Variants in PUS7 observed in about 807,000 individuals in gnomAD.
The protein encoded by PUS7 is pseudouridine synthase 7.
A neutral mutation model predicts 79.8 loss-of-function variants in PUS7; 48 were observed. The observed-to-expected ratio is 0.60, with a 90% confidence interval of 0.48 to 0.76. PUS7 has a LOEUF of 0.76. Ranked by LOEUF, PUS7 falls within the 30% of genes least tolerant of loss-of-function variation. The pLI is 0.00. For synonymous variants in PUS7, 286 were observed against 272.2 expected (o/e 1.05, Z -0.50); for missense variants, 729 against 797.6 (o/e 0.91, Z 1.04).
Position 105,484,548 on chromosome 7 carries a change from G to A in PUS7, c.921-2108C>T, listed in dbSNP as rs184750402. On this transcript the variant is annotated intron_variant, in intron 7 of 15. Coordinates refer to ENST00000469408, the MANE Select transcript of PUS7 (RefSeq NM_019042.5). Reference sequence around the variant, plus strand: ...AAAAATAGCTCTGGGACCGGGCGCGGTGCTTCATGCCTGTAATCCCAGCAC... The same window carrying A: ...AAAAATAGCTCTGGGACCGGGCGCGATGCTTCATGCCTGTAATCCCAGCAC... 4.5e-3 allele frequency among the ~76,000 whole-genome samples: 675 copies of A among 151,514 alleles called. 3 individuals are homozygous for A. Among genetic ancestry groups the A allele is most frequent in the Middle Eastern group, 6.8e-3 (2 of 292 alleles).
chr7:105,509,184 CAAAAAAAA>C (rs57095427), intron 1 of PUS7, among the ~76,000 whole-genome samples: 13 of 55,710 alleles, frequency 2.3e-4, no homozygotes, highest in South Asian at 1.1e-3. Context: ...GACTCCATCT[CAAAAAAAA>C]AAAAAAAAAA....
intron 1 of PUS7, among the ~76,000 whole-genome samples, chr7:105,512,060 G>A (rs974653249): frequency 1.4e-5 from 2 of 141,402 alleles, no homozygotes; most frequent in African/African-American, 2.6e-5. Flanking sequence ...TAGGAGAATC[G>A]CTTGAACCTG....
At chr7:105,477,013 C>T (rs1824140414) in intron 9 of PUS7, among the ~76,000 whole-genome samples, 1 of 152,076 alleles carries the variant, frequency 6.6e-6, no homozygotes, top group African/African-American at 2.4e-5. Flanking sequence ...ATATTTTCTC[C>T]TATTCTGTGG....
At chr7:105,504,489 AAGG>A (rs1213289467) in intron 4 of PUS7, among the ~76,000 whole-genome samples, 1 of 152,230 alleles carries the variant, frequency 6.6e-6, no homozygotes, top group African/African-American at 2.4e-5. Context: ...TACTGATAGC[AAGG>A]AGAACGACAG....
chr7:105,459,108 T>C lies in PUS7; in HGVS notation c.1849+60A>G, dbSNP rs1035828532. The C allele has an allele frequency of 2.7e-6, 3 of 1,124,706 alleles. No individual in the cohort carries two copies. In the Admixed American group the frequency reaches 7.1e-5, roughly 26 times the overall value. The allele number at this position is 1,124,706 out of a possible 1,614,324, so 69.7% of individuals were successfully genotyped here. On this transcript the variant is annotated intron_variant, in intron 15 of 15. Coordinates refer to ENST00000469408, the MANE Select transcript of PUS7 (RefSeq NM_019042.5). ...AAGAGCAGTTTTCAAAAAAAAATTA[T>C]GTTTTTGTTTAACAAAACATTTCAA...
At chr7:105,502,384 C>T (rs753287969) in intron 5 of PUS7, 36 bp downstream of exon 5, 66 of 1,612,602 alleles carry the variant, frequency 4.1e-5, no homozygotes, top group Non-Finnish European at 5.6e-5. Flanking sequence ...CCGCTCACGG[C>T]TGCCTGGCAG....
intron 1 of PUS7, among the ~76,000 whole-genome samples, chr7:105,521,228 G>A (rs1178829386): frequency 6.8e-6 from 1 of 147,200 alleles, no homozygotes; most frequent in African/African-American, 2.4e-5. Flanking sequence ...TTAGAGGCTT[G>A]GGGATGGGGG....
chr7:105,457,925 T>A lies in PUS7; in HGVS notation c.1851A>T (p.Glu617Asp). 1 of 1,612,892 alleles carries A rather than the reference T, an allele frequency of 6.2e-7. No individual in the cohort carries two copies. The highest frequency in any genetic ancestry group is 8.5e-7 in the Non-Finnish European group (1 of 1,179,516). ...CCATTTTCAGAGCCCTGTATTTGCC[T>A]TCTGCAAGGCAAGAAAGAAAACAGT... Reference protein sequence around the residue: ...EGKTPPVFASEGKYRALKMDF... With the variant: ...EGKTPPVFASDGKYRALKMDF... The change falls in exon 16 of 16, where the codon GAA becomes GAT. Residue 617 changes from glutamate to aspartate, a missense_variant and splice_region_variant. Glu to Asp is a conservative substitution (Grantham distance 45). Transcript: ENST00000469408.
chr7:105,511,863 C>T (rs1039400769), intron 1 of PUS7, among the ~76,000 whole-genome samples: 2 of 151,678 alleles, frequency 1.3e-5, no homozygotes, highest in African/African-American at 2.4e-5. Flanking sequence ...CAATTTCTGG[C>T]GGCCTGGTGC....
chr7:105,496,222 TATATAGAG>T (rs1166671684), intron 5 of PUS7, among the ~76,000 whole-genome samples: 3 of 85,032 alleles, frequency 3.5e-5, no homozygotes, highest in African/African-American at 9.3e-5. Context: ...TATATATATA[TATATAGAG>T]AGAGAGAGAG....
Position 105,508,326 on chromosome 7 carries a change from C to G in PUS7, c.187G>C (p.Asp63His), listed in dbSNP as rs748362304. ...CCACCTTTCCCAGTACTGACAGTGT[C>G]AGGAGGCCGAGGCACGTCTTCACTG... The part of the protein sequence containing the change: ...SISEDVPRPP[D>H]TVSTGKGGKN... Residue 63 changes from aspartate to histidine, a missense_variant, in exon 2 of 16, where the codon GAC becomes CAC. Asp to His is a moderately conservative substitution (Grantham distance 81, BLOSUM62 -1). Coordinates refer to ENST00000469408, the MANE Select transcript of PUS7 (RefSeq NM_019042.5). 1.9e-6 allele frequency: 3 copies of G among 1,614,164 alleles called. No homozygotes were observed. Among genetic ancestry groups the G allele is most frequent in the Non-Finnish European group, 2.5e-6 (3 of 1,180,040 alleles).
intron 4 of PUS7, among the ~76,000 whole-genome samples, chr7:105,505,003 A>ATTTTTTTTTT (rs112752687): frequency 1.8e-4 from 25 of 142,634 alleles, no homozygotes; most frequent in South Asian, 9.1e-4. Context: ...ATTTAACATA[A>ATTTTTTTTTT]TTTTTTTTTT....
intron 9 of PUS7, among the ~76,000 whole-genome samples, chr7:105,475,986 TCCAATGCTTAC>T (rs1824092104): frequency 6.6e-6 from 1 of 152,116 alleles, no homozygotes; most frequent in South Asian, 2.1e-4. Context: ...ACATAAAGTT[TCCAATGCTTAC>T]CCACGTGATA....
At chr7:105,494,537 G>A (rs1036357283) in intron 6 of PUS7, among the ~76,000 whole-genome samples, 1 of 151,162 alleles carries the variant, frequency 6.6e-6, no homozygotes, top group Non-Finnish European at 1.5e-5. Flanking sequence ...AGCCTCCTGA[G>A]CAGCTAACAC....
intron 5 of PUS7, among the ~76,000 whole-genome samples, chr7:105,496,645 C>T (rs555982486): frequency 6.6e-6 from 1 of 152,196 alleles, no homozygotes; most frequent in Non-Finnish European, 1.5e-5. Context: ...TGATAAGTTA[C>T]AATGAAAAGA....
intron 15 of PUS7, 62 bp downstream of exon 15, chr7:105,459,106 T>C (rs1823310567): frequency 3.6e-6 from 4 of 1,108,752 alleles, no homozygotes; most frequent in Non-Finnish European, 5.2e-6. Flanking sequence ...AAAAAAAAAT[T>C]ATGTTTTTGT....
At chr7:105,501,073 T>G (rs1385774534) in intron 5 of PUS7, among the ~76,000 whole-genome samples, 1 of 152,190 alleles carries the variant, frequency 6.6e-6, no homozygotes, top group Non-Finnish European at 1.5e-5. Context: ...CTTGCTGCCT[T>G]GACTAGATTA....
At position 105,508,341 on chromosome 7, in the gene PUS7, C is replaced by T. The variant is rs773283092; in HGVS notation, c.172G>A (p.Val58Met). Residue 58 changes from valine to methionine, a missense_variant, in exon 2 of 16, where the codon GTG (valine) becomes ATG (methionine). By Grantham distance (21) the Val-to-Met change is conservative. Transcript: ENST00000469408. ...CTGACAGTGTCAGGAGGCCGAGGCA[C>T]GTCTTCACTGATGGACAGAAAGTCA... ...QNDFLSISED[V>M]PRPPDTVSTG... 24 of 1,613,950 alleles carry T rather than the reference C, an allele frequency of 1.5e-5. No homozygotes were observed. Among genetic ancestry groups the T allele is most frequent in the South Asian group, 2.2e-5 (2 of 91,082 alleles).
intron 9 of PUS7, among the ~76,000 whole-genome samples, chr7:105,479,244 A>G (rs953542528): frequency 9.9e-5 from 15 of 152,228 alleles, no homozygotes; most frequent in Non-Finnish European, 1.5e-4. Context: ...GAGCTTTTTA[A>G]CCTCCTCAAA....
Sources: allele counts gnomAD v4.1 joint callset (sites outside exome capture counted in the v4.1 genomes callset), GRCh38; gene constraint gnomAD v4.1.1; transcripts MANE v1.5; gene names NCBI Gene and HGNC (gene_info 2026-07-23, HGNC 2026-07-21).